The following CCDC122 variants were observed in gnomAD, a reference collection of about 807,000 sequenced individuals.
CCDC122 encodes coiled-coil domain-containing protein 122.
In CCDC122, 38 loss-of-function variants were observed where a neutral mutation model predicts 37.0. The ratio of observed to expected loss-of-function variants is 1.03; its 90% confidence interval spans 0.79 to 1.35. The LOEUF (loss-of-function observed/expected upper bound fraction) is 1.35. Ranked by LOEUF, CCDC122 falls within the 40% of genes most tolerant of loss-of-function variation. The probability of loss-of-function intolerance (pLI) is 0.00; values close to 1 mark genes in which losing one functional copy is unlikely to be tolerated. For missense variants in CCDC122, 305 were observed against 310.0 expected (o/e 0.98, Z 0.12); for synonymous variants, 83 against 95.6 (o/e 0.87, Z 0.77).
At position 43,859,698 on chromosome 13, in the gene CCDC122, C is replaced by G. The variant is rs1954043151; in HGVS notation, c.529G>C (p.Gly177Arg). The part of the protein sequence containing the change: ...EELMQDLQNP[G>R]GNRITQVQED... ...TGTACTTGTGTTATTCGGTTCCCTC[C>G]TGGATTTTGAAGATCTTGCATAAGT... The change falls in exon 5 of 7, where the codon GGA becomes CGA. Residue 177 changes from glycine to arginine, a missense_variant. Coordinates refer to ENST00000444614, the MANE Select transcript of CCDC122 (RefSeq NM_144974.5). The G allele has an allele frequency of 6.4e-7, 1 of 1,567,106 alleles. No homozygotes were observed. Among genetic ancestry groups the G allele is most frequent in the Admixed American group, 2.1e-5 (1 of 48,512 alleles).
chr13:43,844,606 A>G (rs1744075057), intron 6 of CCDC122, among the ~76,000 whole-genome samples: 1 of 152,072 alleles, frequency 6.6e-6, no homozygotes, highest in African/African-American at 2.4e-5. Flanking sequence ...ATATGACTAT[A>G]GATCTGTCTC....
At chr13:43,844,112 G>A (rs76029467) in intron 6 of CCDC122, among the ~76,000 whole-genome samples, 2,308 of 151,316 alleles carry the variant, frequency 0.015, 59 homozygotes, top group African/African-American at 0.054. Flanking sequence ...AGTCTGTGAT[G>A]GTGGAAGCTT....
intron 3 of CCDC122, among the ~76,000 whole-genome samples, chr13:43,826,270 T>C (rs1235636891): frequency 6.6e-6 from 1 of 152,196 alleles, no homozygotes. Context: ...ATTCAAAGAA[T>C]GCATACAATT....
chr13:43,858,709 G>T, intron 6 of CCDC122, 72 bp downstream of exon 6: 1 of 1,085,636 alleles, frequency 9.2e-7, no homozygotes, highest in Non-Finnish European at 1.2e-6. Context: ...GTAAACTATG[G>T]AAATATGAAT....
chr13:43,827,663 T>C (rs912904244), intron 3 of CCDC122, among the ~76,000 whole-genome samples: 29 of 152,190 alleles, frequency 1.9e-4, no homozygotes, highest in African/African-American at 7.0e-4. Flanking sequence ...CACCCACATA[T>C]ATGGACGGTT....
In CCDC122 at chr13:43,874,825, A is replaced by G. The variant is rs113892279; in HGVS notation, c.-114+17T>C. ...TCCAAAAAGAATTAATTGAATAATT[A>G]AAAATAAACTGTATACCTATTATAC... On this transcript the variant is annotated intron_variant, in intron 2 of 6. Transcript: ENST00000444614. 501 of 152,434 alleles carry G rather than the reference A, an allele frequency of 3.3e-3. 5 individuals carry two copies. Among genetic ancestry groups the G allele is most frequent in the African/African-American group, 0.011 (459 of 41,578 alleles). The allele number at this position is 152,434 out of a possible 1,614,324, so 9.4% of individuals were successfully genotyped here. A position where few individuals can be genotyped will look rare whatever the true frequency, so the allele number is the denominator to read the frequency against.
At chr13:43,823,585 G>A (rs758423463), downstream of CCDC122, among the ~76,000 whole-genome samples, 1 of 152,186 alleles carries the variant, frequency 6.6e-6, no homozygotes, top group Non-Finnish European at 1.5e-5. Context: ...AGCACTTATG[G>A]CCCACAGTGG....
intron 6 of CCDC122, chr13:43,855,682 T>A (rs9567285): frequency 0.055 from 3,624 of 66,358 alleles, 109 homozygotes; most frequent in East Asian, 0.28. Context: ...AGTAAAAAAA[T>A]AAAACAAAAC....
At chr13:43,832,378 A>C (rs1953097958), downstream of CCDC122, among the ~76,000 whole-genome samples, 1 of 152,172 alleles carries the variant, frequency 6.6e-6, no homozygotes, top group African/African-American at 2.4e-5. Flanking sequence ...CCAAATCACT[A>C]TAGTATTCAC....
chr13:43,835,228 C>T (rs897059964), downstream of CCDC122, among the ~76,000 whole-genome samples: 4 of 152,186 alleles, frequency 2.6e-5, no homozygotes, highest in East Asian at 3.9e-4. Flanking sequence ...CCAAACACCG[C>T]GTGTTCTCAC....
At chr13:43,824,890 G>GA (rs1953025426) in intron 3 of CCDC122, among the ~76,000 whole-genome samples, 1 of 152,098 alleles carries the variant, frequency 6.6e-6, no homozygotes, top group Admixed American at 6.5e-5. Flanking sequence ...TTAAAAAGTC[G>GA]AAAACAACAG....
At chr13:43,866,228 G>T (rs970972226) in intron 4 of CCDC122, among the ~76,000 whole-genome samples, 1 of 152,064 alleles carries the variant, frequency 6.6e-6, no homozygotes, top group African/African-American at 2.4e-5. Context: ...GCTCACTGTG[G>T]GTAACTGAAA....
chr13:43,828,589 C>T (rs1174532157), intron 3 of CCDC122, among the ~76,000 whole-genome samples: 1 of 143,648 alleles, frequency 7.0e-6, no homozygotes, highest in East Asian at 2.1e-4. Context: ...CACACACACA[C>T]ACACACACAC....
At chr13:43,829,800 G>T (rs10161647) in intron 3 of CCDC122, among the ~76,000 whole-genome samples, 2,307 of 152,210 alleles carry the variant, frequency 0.015, 59 homozygotes, top group African/African-American at 0.053. Flanking sequence ...TAATAAATCT[G>T]CCTAAAAAAT....
At chr13:43,865,907 TC>T (rs1954259937) in intron 4 of CCDC122, among the ~76,000 whole-genome samples, 1 of 152,160 alleles carries the variant, frequency 6.6e-6, no homozygotes, top group Admixed American at 6.5e-5. Context: ...CTTTACAGCT[TC>T]TCTGTGGCAT....
intron 6 of CCDC122, among the ~76,000 whole-genome samples, chr13:43,848,418 C>CTT (rs751929859): frequency 2.7e-5 from 4 of 145,814 alleles, no homozygotes; most frequent in African/African-American, 7.5e-5. Flanking sequence ...GGAAATAACA[C>CTT]TTTTTTTTTT....
downstream of CCDC122, among the ~76,000 whole-genome samples, chr13:43,820,260 G>A (rs949794487): frequency 6.6e-6 from 1 of 152,150 alleles, no homozygotes; most frequent in Non-Finnish European, 1.5e-5. Context: ...GAGGGATAGT[G>A]ACAACCTAGT....
At position 43,868,766 on chromosome 13, in the gene CCDC122, C is replaced by G. The variant is rs200310684; in HGVS notation, c.84G>C (p.Glu28Asp). 3.2e-6 allele frequency: 5 copies of G among 1,560,544 alleles called. No homozygotes were observed. The Admixed American group carries it at 9.3e-5, about 29-fold the overall frequency. The change falls in exon 4 of 7, where the codon GAG becomes GAC. Residue 28 changes from glutamate (E) to aspartate (D), a missense_variant. Coordinates refer to ENST00000444614, the MANE Select transcript of CCDC122 (RefSeq NM_144974.5). ...QDTSSLADAV[E>D]KVAKQQQSQA... ...GTGATTGTTGTTGCTTTGCAACTTT[C>G]TCTACAGCATCAGCTAATGAACTTG...
At chr13:43,835,715 C>T (rs1358268376), downstream of CCDC122, among the ~76,000 whole-genome samples, 1 of 152,154 alleles carries the variant, frequency 6.6e-6, no homozygotes, top group African/African-American at 2.4e-5. Context: ...CTTTAAAACA[C>T]TTTAGAAAAC....
Sources: allele counts gnomAD v4.1 joint callset (sites outside exome capture counted in the v4.1 genomes callset), GRCh38; gene constraint gnomAD v4.1.1; transcripts MANE v1.5; gene names NCBI Gene and HGNC (gene_info 2026-07-23, HGNC 2026-07-21).